The following EXOSC10 variants were observed in gnomAD, a reference collection of about 807,000 sequenced individuals.
The protein encoded by EXOSC10 is exosome complex component 10.
A neutral mutation model predicts 126.6 loss-of-function variants in EXOSC10; 94 were observed. The ratio of observed to expected loss-of-function variants is 0.74; its 90% CI spans 0.63 to 0.88. The LOEUF (loss-of-function observed/expected upper bound fraction) is 0.88. Ranked by LOEUF, EXOSC10 falls within the 40% of genes least tolerant of loss-of-function variation. The pLI, the probability that EXOSC10 is intolerant of heterozygous loss-of-function variation, is 0.00. For synonymous variants in EXOSC10, 395 were observed against 400.8 expected, an observed-to-expected ratio of 0.99 and a Z score of 0.17; for missense variants, 1,041 against 1,100.5, an observed-to-expected ratio of 0.95 and a Z score of 0.77.
chr1:11,066,887 C>T, intron 24 of EXOSC10, 139 bp from the exon 25 acceptor site: 1 of 881,520 alleles, frequency 1.1e-6, no homozygotes, highest in Non-Finnish European at 1.9e-6. Context: ...AACTCGGCGG[C>T]CCACCAGAGT....
chr1:11,079,202 G>A (rs1279613650), intron 14 of EXOSC10, among the ~76,000 whole-genome samples: 3 of 151,536 alleles, frequency 2.0e-5, no homozygotes, highest in Admixed American at 6.6e-5. Context: ...GGTGGTGCAT[G>A]CCTGTAATCC....
chr1:11,066,671 C>T lies in EXOSC10; in HGVS notation c.*47G>A, dbSNP rs1299070598. 4 of 1,605,788 alleles carry T rather than the reference C, an allele frequency of 2.5e-6. No homozygotes were observed. The highest frequency in any genetic ancestry group is 3.4e-6 in the Non-Finnish European group (4 of 1,172,332). On this transcript the variant is annotated 3_prime_UTR_variant, in exon 25 of 25. Transcript: ENST00000376936. ...AAAATATGTATGTACAAAAGCAGCA[C>T]CAGCATTTGGTGCTTCCGGTCCACA...
intron 4 of EXOSC10, 48 bp downstream of exon 4, chr1:11,091,445 G>T: frequency 6.7e-7 from 1 of 1,499,202 alleles, no homozygotes; most frequent in Non-Finnish European, 9.2e-7. Flanking sequence ...CAAAATCTCT[G>T]TTATGAAGCT....
At position 11,081,147 on chromosome 1, in the gene EXOSC10, G is replaced by A. The variant is rs781096686; in HGVS notation, c.1372C>T (p.Arg458Cys). 6.2e-6 allele frequency: 10 copies of A among 1,614,030 alleles called. No homozygotes were observed. The highest frequency in any genetic ancestry group is 3.3e-4 in the Middle Eastern group (2 of 6,082). Residue 458 changes from arginine (R) to cysteine (C), a missense_variant, in exon 11 of 25, where the codon CGC (arginine) becomes TGC (cysteine). Transcript: ENST00000376936. The part of the protein sequence containing the change: ...YDKMRLEMWE[R>C]GNGQPVQLQV... ...AGCTGCACCGGCTGCCCGTTGCCGC[G>A]CTCCCACATCTCCAGCCTCATTTTG...
chr1:11,090,993 G>C (rs780579483), intron 5 of EXOSC10, 21 bp downstream of exon 5: 1 of 1,609,196 alleles, frequency 6.2e-7, no homozygotes, highest in Non-Finnish European at 8.5e-7. Context: ...CTCAAACACA[G>C]GCAAAGTATG....
intron 24 of EXOSC10, among the ~76,000 whole-genome samples, 196 bp from the exon 25 acceptor site, chr1:11,066,944 C>T (rs997297618): frequency 2.6e-5 from 4 of 152,198 alleles, no homozygotes; most frequent in Admixed American, 2.6e-4. Context: ...GTTTTTCCTG[C>T]CCTCGGGCAA....
intron 23 of EXOSC10, 40 bp downstream of exon 23, chr1:11,068,605 C>A (rs371179505): frequency 1.3e-6 from 2 of 1,537,800 alleles, no homozygotes; most frequent in Non-Finnish European, 1.8e-6. Context: ...CAGAAACAGG[C>A]GCCACCAGCG....
rs775686167 is a variant in EXOSC10 at position 11,087,538 on chromosome 1, A to G, written c.999T>C (p.Thr333=). The change falls in exon 9 of 25, where the codon ACT becomes ACC. Residue 333 remains threonine, a synonymous_variant. Transcript: ENST00000376936. ...TGTCAATGATGAAGTCTTCCGTCCG[A>G]GTAGAAATTTGCATCAGGCAGGTCA... ...LGLTCLMQIS[T]RTEDFIIDTL... 18 of 1,614,136 alleles carry G rather than the reference A, an allele frequency of 1.1e-5. 1 individual carries two copies. The South Asian group carries it at 1.5e-4, about 14-fold the overall frequency.
intron 5 of EXOSC10, 114 bp downstream of exon 5, chr1:11,090,891 GGCTCCCTTT>G: frequency 9.5e-7 from 1 of 1,051,906 alleles, no homozygotes; most frequent in Non-Finnish European, 1.4e-6. Flanking sequence ...AGCTGAACTG[GGCTCCCTTT>G]GAACAAAGGA....
At chr1:11,071,138 A>G in intron 20 of EXOSC10, 165 bp from the exon 21 acceptor site, 1 of 613,460 alleles carries the variant, frequency 1.6e-6, no homozygotes, top group South Asian at 2.0e-5. Context: ...GCTGCCTCAG[A>G]GCTCAGGCTC....
Position 11,069,166 on chromosome 1 carries a change from C to T in EXOSC10, c.2488+393G>A, listed in dbSNP as rs925653591. ...CCCCTTCAAAGCAGACGGACTCTCA[C>T]AGCCCAAGCAGCCATAGGGGTTCAT... On this transcript the variant is annotated intron_variant, in intron 22 of 24. Transcript: ENST00000376936. Among the ~76,000 whole-genome samples the T allele has an allele frequency of 5.3e-5, 8 of 152,026 alleles. No homozygotes were observed. The East Asian group carries it at 1.2e-3, about 22-fold the overall frequency.
intron 21 of EXOSC10, among the ~76,000 whole-genome samples, chr1:11,070,265 T>TTAA (rs1553164375): frequency 9.9e-6 from 1 of 100,594 alleles, no homozygotes; most frequent in Non-Finnish European, 1.8e-5. Flanking sequence ...AAAAGGAAAT[T>TTAA]AAAAAAAAAA....
At chr1:11,069,134 T>C (rs1213408706) in intron 22 of EXOSC10, among the ~76,000 whole-genome samples, 1 of 152,042 alleles carries the variant, frequency 6.6e-6, no homozygotes, top group Non-Finnish European at 1.5e-5. Context: ...GAGAATGCCA[T>C]CTGTAGCCCC....
rs1478460789 is a variant in EXOSC10 at position 11,070,961 on chromosome 1, T to A, written c.2255A>T (p.Gln752Leu). Residue 752 changes from glutamine to leucine, a missense_variant, in exon 21 of 25, where the codon CAG becomes CTG. Physicochemically the swap from Gln to Leu is moderately radical, Grantham distance 113. Around this residue, in one of 3 missense-constraint regions of EXOSC10, gnomAD observed 388 missense variants for 415.2 expected, o/e 0.93. Transcript: ENST00000376936. The part of the protein sequence containing the change: ...KAAEQTAARE[Q>L]AKEACKAAAE... ...TGCAGCTTTGCACGCCTCCTTTGCC[T>A]GTTCCCGGGCAGCTGCAAGGGAGAG... The A allele has an allele frequency of 6.2e-7, 1 of 1,614,026 alleles. No homozygotes were observed. The highest frequency in any genetic ancestry group is 8.5e-7 in the Non-Finnish European group (1 of 1,179,960).
At chr1:11,069,753 G>A in intron 21 of EXOSC10, 23 bp from the exon 22 acceptor site, 2 of 1,611,908 alleles carry the variant, frequency 1.2e-6, no homozygotes, top group East Asian at 4.5e-5. Context: ...AACAGATGTG[G>A]GGGAGGAACA....
Position 11,068,587 on chromosome 1 carries a change from G to A in EXOSC10, c.2550+58C>T. The A allele has an allele frequency of 5.4e-6, 7 of 1,294,344 alleles. No individual in the cohort carries two copies. The South Asian group carries it at 8.3e-5, about 15-fold the overall frequency. 80.2% of individuals were successfully genotyped at this position (1,294,344 alleles called of 1,614,324 possible). ...GGATGGGCCTGTCTTCTCAGCAGAG[G>A]AGGAGGTCAGAAACAGGCGCCACCA... On this transcript the variant is annotated intron_variant, in intron 23 of 24. Transcript: ENST00000376936.
rs757872168 is a variant in EXOSC10, at chr1:11,082,733, T to G, written c.1235A>C (p.Asn412Thr). Residue 412 changes from asparagine to threonine, a missense_variant, in exon 10 of 25, where the codon AAC becomes ACC. Physicochemically the swap from Asn to Thr is moderately conservative, Grantham distance 65 (BLOSUM62 0). Coordinates refer to ENST00000376936, the MANE Select transcript of EXOSC10 (RefSeq NM_001001998.3). The stretch of plus-strand genomic sequence containing the variant: ...CTGATATTGCTTGTTTGAGTCCACG[T>G]TGCAGTAGAGTTTCAGGAGATGATC... ...SLDHLLKLYC[N>T]VDSNKQYQLA... The G allele has an allele frequency of 4.3e-6, 7 of 1,614,116 alleles. No homozygotes were observed. In the Admixed American group the frequency reaches 6.7e-5, roughly 15 times the overall value.
chr1:11,091,301 T>C (rs1283202693), intron 4 of EXOSC10, 122 bp from the exon 5 acceptor site: 2 of 1,038,332 alleles, frequency 1.9e-6, no homozygotes, highest in Non-Finnish European at 2.8e-6. Flanking sequence ...CATTTAAGAA[T>C]GTATGTGCAT....
intron 8 of EXOSC10, 63 bp from the exon 9 acceptor site, chr1:11,087,654 T>C (rs1333244604): frequency 3.8e-6 from 6 of 1,580,146 alleles, no homozygotes; most frequent in Non-Finnish European, 5.2e-6. Flanking sequence ...TTTCCTTTAC[T>C]GATTTTGAAA....
Sources: gnomAD v4.1 joint callset for allele counts (sites outside exome capture counted in the v4.1 genomes callset) on GRCh38, gnomAD v4.1.1 for gene constraint, gnomAD v4.1.1 regional missense constraint, MANE v1.5 for transcripts, NCBI Gene and HGNC (gene_info 2026-07-23, HGNC 2026-07-21) for gene names.